Variants in USF3 observed in about 807,000 individuals in gnomAD.
USF3 encodes upstream transcription factor family member 3.
Under a neutral mutation model 157.5 loss-of-function variants are expected in USF3, and 29 were observed. The ratio of observed to expected loss-of-function variants is 0.18; its 90% CI spans 0.14 to 0.25. The LOEUF (loss-of-function observed/expected upper bound fraction) is 0.25. Ranked by LOEUF, USF3 falls within the 10% of genes least tolerant of loss-of-function variation. The pLI, the probability that USF3 is intolerant of heterozygous loss-of-function variation, is 1.00. For missense variants in USF3, 2,381 were observed against 2,667.6 expected (o/e 0.89, Z 2.37); for synonymous variants, 893 against 941.4 (o/e 0.95, Z 0.94).
chr3:113,655,567 G>A lies in USF3; in HGVS notation c.6115C>T (p.Arg2039Cys), dbSNP rs369738835. Residue 2039 changes from arginine (R) to cysteine (C), a missense_variant, in exon 7 of 7, where the codon CGT (arginine) becomes TGT (cysteine). By Grantham distance (180) the Arg-to-Cys change is radical. Around this residue, in one of 6 missense-constraint regions of USF3, gnomAD observed 770 missense variants for 824.2 expected, o/e 0.93. Coordinates refer to ENST00000316407, the MANE Select transcript of USF3 (RefSeq NM_001009899.4). ...PATEKRGSIVRFMPDSPQVPN... is the reference protein window; with the variant it reads ...PATEKRGSIVCFMPDSPQVPN... Reference sequence around the variant, plus strand: ...ACTTGTGGGCTATCAGGCATGAAACGAACAATACTTCCTCTCTTCTCTGTG... The same window carrying A: ...ACTTGTGGGCTATCAGGCATGAAACAAACAATACTTCCTCTCTTCTCTGTG... 4.6e-5 allele frequency: 74 copies of A among 1,613,968 alleles called. No individual in the cohort carries two copies. Among genetic ancestry groups the A allele is most frequent in the Non-Finnish European group, 5.8e-5 (68 of 1,180,016 alleles).
chr3:113,660,121 T>C lies in USF3; in HGVS notation c.1561A>G (p.Lys521Glu). Residue 521 changes from lysine to glutamate, a missense_variant, in exon 7 of 7, where the codon AAA becomes GAA. Around this residue, in one of 6 missense-constraint regions of USF3, gnomAD observed 1,435 missense variants for 1,550.9 expected, o/e 0.93. Transcript: ENST00000316407. ...GCTGAATTCAGTGGAAGGATATTTT[T>C]GGGAGGCTGAGATTTAACTTGTGGC... ...AQPQVKSQPP[K>E]NILPLNSAMQ... 6.2e-7 allele frequency: 1 copy of C among 1,614,228 alleles called. No individual in the cohort carries two copies. Among genetic ancestry groups the C allele is most frequent in the South Asian group, 1.1e-5 (1 of 91,086 alleles).
chr3:113,674,595 G>A (rs191100658), intron 3 of USF3, among the ~76,000 whole-genome samples: 118 of 152,210 alleles, frequency 7.8e-4, no homozygotes, highest in Admixed American at 2.2e-3. Context: ...CACCAGCCTC[G>A]GCCTCCCAAA....
At position 113,655,910 on chromosome 3, in the gene USF3, C is replaced by A; in HGVS notation, c.5772G>T (p.Arg1924Ser). ...NVSVQKSNPM[R>S]ITESHATKGH... ...CCTTGGTGGCATGACTCTCAGTAAT[C>A]CTCATGGGATTGGATTTCTGTACAG... Residue 1924 changes from arginine to serine, a missense_variant, in exon 7 of 7, where the codon AGG becomes AGT. Coordinates refer to ENST00000316407, the MANE Select transcript of USF3 (RefSeq NM_001009899.4). 1 of 1,614,112 alleles carries A rather than the reference C, an allele frequency of 6.2e-7. No individual in the cohort carries two copies. Among genetic ancestry groups the A allele is most frequent in the African/African-American group, 1.3e-5 (1 of 75,022 alleles).
At chr3:113,687,063 C>T (rs1156991558) in intron 1 of USF3, among the ~76,000 whole-genome samples, 1 of 152,122 alleles carries the variant, frequency 6.6e-6, no homozygotes, top group Non-Finnish European at 1.5e-5. Flanking sequence ...CACTTCTCCC[C>T]TATTTATTTA....
In USF3 at chr3:113,657,725, T is replaced by G; in HGVS notation, c.3957A>C (p.Pro1319=). The G allele has an allele frequency of 6.2e-7, 1 of 1,614,194 alleles. No homozygotes were observed. The highest frequency in any genetic ancestry group is 1.1e-5 in the South Asian group (1 of 91,070). Residue 1319 remains proline, a synonymous_variant, in exon 7 of 7, where the codon CCA becomes CCC. Transcript: ENST00000316407. Reference sequence around the variant, plus strand: ...CAGAATCCTTACGGCTTTCATGGCTTGGCTTTAAGAGTGGCTCTTGAATCT... The same window carrying G: ...CAGAATCCTTACGGCTTTCATGGCTGGGCTTTAAGAGTGGCTCTTGAATCT... ...NSQIQEPLLK[P]SHESRKDSAK... is the part of the protein sequence containing the mutation.
intron 1 of USF3, among the ~76,000 whole-genome samples, chr3:113,677,787 C>T (rs1035742214): frequency 2.0e-5 from 3 of 152,194 alleles, no homozygotes; most frequent in African/African-American, 7.2e-5. Flanking sequence ...CTACCTCCTA[C>T]TTCTCTCTTT....
At position 113,655,022 on chromosome 3, in the gene USF3, G is replaced by A; in HGVS notation, c.6660C>T (p.Asp2220=). The A allele has an allele frequency of 6.2e-7, 1 of 1,614,174 alleles. No homozygotes were observed. Among genetic ancestry groups the A allele is most frequent in the Non-Finnish European group, 8.5e-7 (1 of 1,180,002 alleles). The change falls in exon 7 of 7, where the codon GAC becomes GAT. Residue 2220 remains aspartate, a synonymous_variant. Transcript: ENST00000316407. ...GTCTGTTTGAGGACTGCTTGGAAGAGTCAGAGGCAGAGGAATTTGCTATTG... is the reference window on the plus strand; with the variant it reads ...GTCTGTTTGAGGACTGCTTGGAAGAATCAGAGGCAGAGGAATTTGCTATTG... The part of the protein sequence containing the change: ...LLTIANSSAS[D]SSKQSSNRPA...
chr3:113,695,102 C>G (rs1490358680), intron 1 of USF3, among the ~76,000 whole-genome samples: 1 of 152,192 alleles, frequency 6.6e-6, no homozygotes, highest in Non-Finnish European at 1.5e-5. Flanking sequence ...GCATTAAAAG[C>G]CGTCCTTGGA....
intron 1 of USF3, among the ~76,000 whole-genome samples, chr3:113,693,503 T>C (rs1707733416): frequency 1.3e-5 from 2 of 152,278 alleles, no homozygotes; most frequent in Non-Finnish European, 2.9e-5. Flanking sequence ...TCAATGCTAG[T>C]TAAGGTATGA....
In USF3 at chr3:113,655,066, C is replaced by T; in HGVS notation, c.6616G>A (p.Ala2206Thr). ...EIATALPDGS[A>T]MSPLLTIANS... is the part of the protein sequence containing the mutation. Reference sequence around the variant, plus strand: ...GCTATTGTAAGCAAAGGTGACATTGCTGAGCCATCAGGAAGCGCTGTGGCT... The same window carrying T: ...GCTATTGTAAGCAAAGGTGACATTGTTGAGCCATCAGGAAGCGCTGTGGCT... Residue 2206 changes from alanine to threonine, a missense_variant, in exon 7 of 7, where the codon GCA becomes ACA. By Grantham distance (58) the Ala-to-Thr change is moderately conservative. This residue lies in a region of USF3 where 770 missense variants were observed against 824.2 expected (regional missense o/e 0.93). Transcript: ENST00000316407. The T allele has an allele frequency of 1.2e-6, 2 of 1,614,176 alleles. No individual in the cohort carries two copies. Among genetic ancestry groups the T allele is most frequent in the Admixed American group, 1.7e-5 (1 of 60,018 alleles).
chr3:113,655,690 A>G lies in USF3; in HGVS notation c.5992T>C (p.Ser1998Pro). ...SKIRQPERNR[S>P]GNQRQSTVFD... Reference sequence around the variant, plus strand: ...ACAGTACTTTGCCTTTGGTTTCCAGAACGATTCCTTTCAGGCTGACGAATT... The same window carrying G: ...ACAGTACTTTGCCTTTGGTTTCCAGGACGATTCCTTTCAGGCTGACGAATT... The change falls in exon 7 of 7, where the codon TCT (serine) becomes CCT (proline). Residue 1998 changes from serine to proline, a missense_variant. Physicochemically the swap from Ser to Pro is moderately conservative, Grantham distance 74. Coordinates refer to ENST00000316407, the MANE Select transcript of USF3 (RefSeq NM_001009899.4). 6.2e-7 allele frequency: 1 copy of G among 1,613,942 alleles called. No individual in the cohort carries two copies. Among genetic ancestry groups the G allele is most frequent in the African/African-American group, 1.3e-5 (1 of 75,058 alleles).
At position 113,658,565 on chromosome 3, in the gene USF3, A is replaced by G; in HGVS notation, c.3117T>C (p.Val1039=). ...PDFSSENPKI[V]DSSVNLHPKQ... ...TGGGATGTAAATTCACACTTGAATCAACTATTTTAGGATTTTCTGAAGAAA... is the reference window on the plus strand; with the variant it reads ...TGGGATGTAAATTCACACTTGAATCGACTATTTTAGGATTTTCTGAAGAAA... Residue 1039 remains valine (V), a synonymous_variant, in exon 7 of 7, where the codon GTT becomes GTC. Transcript: ENST00000316407. 6.2e-7 allele frequency: 1 copy of G among 1,613,932 alleles called. No homozygotes were observed. The highest frequency in any genetic ancestry group is 2.2e-5 in the East Asian group (1 of 44,900).
At position 113,654,045 on chromosome 3, in the gene USF3, T is replaced by C. The variant is rs754457290; in HGVS notation, c.*899A>G. On this transcript the variant is annotated 3_prime_UTR_variant, in exon 7 of 7. Transcript: ENST00000316407. The stretch of plus-strand genomic sequence containing the variant: ...ATATTTAAATGAATGCAAAAGAATT[T>C]ATTTCAAGACCAAATAAATAGAATG... 2.6e-5 allele frequency: 4 copies of C among 152,338 alleles called. No individual in the cohort carries two copies. The highest frequency in any genetic ancestry group is 2.6e-4 in the Admixed American group (4 of 15,282). 9.4% of individuals were successfully genotyped at this position (152,338 alleles called of 1,614,324 possible).
In USF3 at chr3:113,654,173, G is replaced by C. The variant is rs985723984; in HGVS notation, c.*771C>G. On this transcript the variant is annotated 3_prime_UTR_variant, in exon 7 of 7. Transcript: ENST00000316407. ...CTAACTGCTTTTACCCTTATGACCC[G>C]ATGCAAAATGCAAGCACAAAACGGA... is the stretch of plus-strand genomic sequence containing the variant. The C allele has an allele frequency of 2.6e-5, 4 of 152,554 alleles. No individual in the cohort carries two copies. The highest frequency in any genetic ancestry group is 4.4e-5 in the Non-Finnish European group (3 of 68,030). The allele number at this position is 152,554 out of a possible 1,614,324, so 9.5% of individuals were successfully genotyped here. A position where few individuals can be genotyped will look rare whatever the true frequency, so the allele number is the denominator to read the frequency against.
Position 113,658,018 on chromosome 3 carries a change from A to T in USF3, c.3664T>A (p.Ser1222Thr), listed in dbSNP as rs375591373. Residue 1222 changes from serine to threonine, a missense_variant, in exon 7 of 7, where the codon TCA (serine) becomes ACA (threonine). This residue lies in a region of USF3 where 1,435 missense variants were observed against 1,550.9 expected (regional missense o/e 0.93). Transcript: ENST00000316407. ...GTTGAATCCTGTAAAGATGCATTTG[A>T]TGTTTTAATTCCTAGAGAACAACTT... ...KPSCSLGIKT[S>T]NASLQDSTSQ... 2.5e-6 allele frequency: 4 copies of T among 1,614,038 alleles called. No homozygotes were observed. Among genetic ancestry groups the T allele is most frequent in the Non-Finnish European group, 2.5e-6 (3 of 1,180,014 alleles).
In USF3 at chr3:113,653,974, T is replaced by C. The variant is rs1947309949; in HGVS notation, c.*970A>G. The stretch of plus-strand genomic sequence containing the variant: ...TTCAGAAATATTTTTAAAGTAAGGC[T>C]CAAATAAACGTGTAGATTACAAACA... On this transcript the variant is annotated 3_prime_UTR_variant, in exon 7 of 7. Transcript: ENST00000316407. 6.6e-6 allele frequency: 1 copy of C among 152,236 alleles called. No individual in the cohort carries two copies. Among genetic ancestry groups the C allele is most frequent in the South Asian group, 2.1e-4 (1 of 4,838 alleles). 9.4% of individuals were successfully genotyped at this position (152,236 alleles called of 1,614,324 possible).
In USF3 at chr3:113,657,254, T is replaced by TTGTTGC; in HGVS notation, c.4422_4427dup (p.Gln1477_Gln1478dup). On this transcript the variant is annotated inframe_insertion, in exon 7 of 7. Transcript: ENST00000316407. ...TCTCTCTTAACTGCCCTGCTTGTTG[T>TTGTTGC]TGTTGCTGTTGCTGCTGCTGCTGCT... 1 of 1,568,704 alleles carries TTGTTGC rather than the reference T, an allele frequency of 6.4e-7. No individual in the cohort carries two copies. Among genetic ancestry groups the TTGTTGC allele is most frequent in the Non-Finnish European group, 8.6e-7 (1 of 1,160,830 alleles).
intron 3 of USF3, 143 bp from the exon 4 acceptor site, chr3:113,673,519 C>A: frequency 1.7e-6 from 1 of 594,258 alleles, no homozygotes; most frequent in Non-Finnish European, 3.0e-6. Context: ...GAAACATTTC[C>A]TTAATATATA....
Position 113,657,582 on chromosome 3 carries a change from A to G in USF3, c.4100T>C (p.Ile1367Thr). 6.2e-7 allele frequency: 1 copy of G among 1,614,190 alleles called. No homozygotes were observed. The highest frequency in any genetic ancestry group is 8.5e-7 in the Non-Finnish European group (1 of 1,180,034). ...MSLMSRTPDTISDQTQMMVSQ... is the reference protein window; with the variant it reads ...MSLMSRTPDTTSDQTQMMVSQ... ...GACCATCATTTGAGTTTGGTCAGAA[A>G]TGGTGTCTGGAGTTCTGCTCATCAG... Residue 1367 changes from isoleucine to threonine, a missense_variant, in exon 7 of 7, where the codon ATT (isoleucine) becomes ACT (threonine). By Grantham distance (89) the Ile-to-Thr change is moderately conservative (BLOSUM62 -1). This residue lies in a region of USF3 where 1,435 missense variants were observed against 1,550.9 expected (regional missense o/e 0.93). Coordinates refer to ENST00000316407, the MANE Select transcript of USF3 (RefSeq NM_001009899.4).
Sources: allele counts gnomAD v4.1 joint callset (sites outside exome capture counted in the v4.1 genomes callset), GRCh38; gene constraint gnomAD v4.1.1; regional missense constraint gnomAD v4.1.1; transcripts MANE v1.5; gene names NCBI Gene and HGNC (gene_info 2026-07-23, HGNC 2026-07-21).